EML6: variants seen among roughly 807,000 people sequenced by gnomAD.
EML6 encodes EMAP like 6, also known as echinoderm microtubule-associated protein-like 6.
A neutral mutation model predicts 240.1 loss-of-function variants in EML6; 154 were observed. That is an observed-to-expected ratio of 0.64 (90% CI 0.56 to 0.73). The LOEUF is 0.73. Among genes scored for constraint, EML6 ranks in the 30% least tolerant of loss-of-function variants. The probability of loss-of-function intolerance (pLI) is 0.00; values close to 1 mark genes in which losing one functional copy is unlikely to be tolerated. For synonymous variants in EML6, 1,148 were observed against 899.0 expected (o/e 1.28, Z -4.95); for missense variants, 2,964 against 2,474.6 (o/e 1.20, Z -4.20).
intron 7 of EML6, among the ~76,000 whole-genome samples, chr2:54,832,146 A>C (rs1015282755): frequency 6.6e-6 from 1 of 152,162 alleles, no homozygotes; most frequent in Non-Finnish European, 1.5e-5. Flanking sequence ...AAAACAATGT[A>C]CATGTAGCAT....
rs913307172 is a variant in EML6, at chr2:54,820,482, A to C, written c.525+20A>C. 7.5e-6 allele frequency: 11 copies of C among 1,461,810 alleles called. No homozygotes were observed. In the African/African-American group the frequency reaches 1.4e-4, roughly 19 times the overall value. The allele number at this position is 1,461,810 out of a possible 1,614,324, so 90.6% of individuals were successfully genotyped here. A position where few individuals can be genotyped will look rare whatever the true frequency, so the allele number is the denominator to read the frequency against. On this transcript the variant is annotated intron_variant, in intron 5 of 41. Coordinates refer to ENST00000356458, the MANE Select transcript of EML6 (RefSeq NM_001039753.4). ...ATAAAGGTAAAGCTTTTTGTTTTTT[A>C]ATTTTGGTACCTTGAGTGCAAATAA...
chr2:54,958,018 C>G lies in EML6; in HGVS notation c.4695+20C>G. ...GGTGCTGTGAGTTCTAGCAGATACT[C>G]CCTGAGAAGGGGACCCAGACCCCCT... On this transcript the variant is annotated intron_variant, in intron 33 of 41. Transcript: ENST00000356458. The G allele has an allele frequency of 6.5e-7, 1 of 1,537,150 alleles. No homozygotes were observed. Among genetic ancestry groups the G allele is most frequent in the South Asian group, 1.2e-5 (1 of 82,530 alleles).
intron 28 of EML6, among the ~76,000 whole-genome samples, chr2:54,943,998 T>C (rs1431832086): frequency 6.6e-6 from 1 of 152,180 alleles, no homozygotes; most frequent in Non-Finnish European, 1.5e-5. Flanking sequence ...TTGGCCCTTC[T>C]GGTGCCTCCC....
intron 2 of EML6, among the ~76,000 whole-genome samples, chr2:54,732,271 A>T (rs13399055): frequency 0.071 from 10,776 of 151,624 alleles, 464 homozygotes; most frequent in Middle Eastern, 0.16. Flanking sequence ...TCTTGGTGGT[A>T]CCCTTGGAAG....
chr2:54,820,506 A>T, intron 5 of EML6, 44 bp downstream of exon 5: 1 of 1,161,830 alleles, frequency 8.6e-7, no homozygotes, highest in South Asian at 1.4e-5. Flanking sequence ...GAGTGCAAAT[A>T]ATTTTAGGTG....
chr2:54,898,164 C>A (rs868630318), intron 21 of EML6, among the ~76,000 whole-genome samples: 26 of 152,020 alleles, frequency 1.7e-4, no homozygotes, highest in African/African-American at 5.3e-4. Flanking sequence ...TGTGGGTGAT[C>A]AGCAGCAAAG....
chr2:54,799,110 G>A (rs762817362), intron 2 of EML6, among the ~76,000 whole-genome samples: 1 of 152,120 alleles, frequency 6.6e-6, no homozygotes, highest in Non-Finnish European at 1.5e-5. Flanking sequence ...TCCCAGGCTG[G>A]AGTGCAGTGG....
chr2:54,735,481 G>C (rs1365241655), intron 2 of EML6, among the ~76,000 whole-genome samples: 5 of 152,326 alleles, frequency 3.3e-5, no homozygotes, highest in African/African-American at 9.6e-5. Flanking sequence ...TGAGAGGCAG[G>C]ATTCAGAATC....
intron 2 of EML6, among the ~76,000 whole-genome samples, chr2:54,800,004 G>A (rs1242486714): frequency 6.6e-6 from 1 of 152,208 alleles, no homozygotes; most frequent in Admixed American, 6.5e-5. Context: ...TGAGCAATTT[G>A]AGAGGCTTGA....
rs1284012392 is a variant in EML6, at chr2:54,931,638, T to C, written c.4004+2887T>C. On this transcript the variant is annotated intron_variant, in intron 28 of 41. Coordinates refer to ENST00000356458, the MANE Select transcript of EML6 (RefSeq NM_001039753.4). ...TTCCCGTCATCGTGCCTTCCGTATA[T>C]ACCTGCAGATAATTCTGTATACCTG... 2.0e-5 allele frequency among the ~76,000 whole-genome samples: 3 copies of C among 152,182 alleles called. No homozygotes were observed. In the East Asian group the frequency reaches 5.8e-4, roughly 29 times the overall value.
chr2:54,971,999 CAAAT>C lies in EML6; in HGVS notation c.*1908_*1911del, dbSNP rs999970394. 5.3e-5 allele frequency: 8 copies of C among 152,062 alleles called. No homozygotes were observed. The highest frequency in any genetic ancestry group is 1.9e-4 in the East Asian group (1 of 5,194). The allele number at this position is 152,062 out of a possible 1,614,324, so 9.4% of individuals were successfully genotyped here. On this transcript the variant is annotated 3_prime_UTR_variant, in exon 42 of 42. Coordinates refer to ENST00000356458, the MANE Select transcript of EML6 (RefSeq NM_001039753.4). ...CACATCACTTAAACATTTTATGTGTCAAATAAAATTTGATTATGTAAACACATTT... is the reference window on the plus strand; with the variant it reads ...CACATCACTTAAACATTTTATGTGTCAAAATTTGATTATGTAAACACATTT...
Position 54,954,026 on chromosome 2 carries a change from C to T in EML6, c.4356C>T (p.His1452=), listed in dbSNP as rs949466234. 6.4e-7 allele frequency: 1 copy of T among 1,552,006 alleles called. No individual in the cohort carries two copies. The highest frequency in any genetic ancestry group is 1.2e-5 in the South Asian group (1 of 83,990). ...SIHIWDAMTK[H]TLSMLRCFHS... ...ACATATGGGACGCCATGACCAAACA[C>T]ACCCTCTCCATGCTGCGGTGCTTCC... The change falls in exon 32 of 42, where the codon CAC becomes CAT. Residue 1452 remains histidine (H), a synonymous_variant. Coordinates refer to ENST00000356458, the MANE Select transcript of EML6 (RefSeq NM_001039753.4).
At chr2:54,758,548 C>G (rs1003501224) in intron 2 of EML6, among the ~76,000 whole-genome samples, 2 of 152,166 alleles carry the variant, frequency 1.3e-5, no homozygotes, top group African/African-American at 4.8e-5. Context: ...TCCCAGTCCC[C>G]CATTCCCTGT....
At chr2:54,857,669 G>A (rs929490303) in intron 11 of EML6, among the ~76,000 whole-genome samples, 1 of 152,212 alleles carries the variant, frequency 6.6e-6, no homozygotes, top group Non-Finnish European at 1.5e-5. Flanking sequence ...GTCAAAGAGG[G>A]GCTTGCTGTT....
intron 28 of EML6, among the ~76,000 whole-genome samples, chr2:54,942,550 C>T (rs142180587): frequency 1.3e-5 from 2 of 152,242 alleles, no homozygotes; most frequent in East Asian, 3.9e-4. Context: ...TGTGAAGGAT[C>T]AGGGTGCTCT....
chr2:54,968,820 C>T, intron 41 of EML6, 52 bp downstream of exon 41: 1 of 998,278 alleles, frequency 1.0e-6, no homozygotes, highest in Middle Eastern at 2.1e-4. Flanking sequence ...CCAGCTCTCC[C>T]TCCCCATCTC....
chr2:54,856,752 G>A (rs140689880), intron 11 of EML6, among the ~76,000 whole-genome samples: 7 of 152,296 alleles, frequency 4.6e-5, no homozygotes, highest in South Asian at 2.1e-4. Flanking sequence ...AATCAGAGTC[G>A]TCTTCTAAGT....
chr2:54,868,173 A>G (rs1180652245), intron 14 of EML6: 1 of 151,682 alleles, frequency 6.6e-6, no homozygotes, highest in Admixed American at 6.6e-5. Flanking sequence ...ACTGAAATAA[A>G]TTTTTTTTTC....
At chr2:54,892,798 GA>G in intron 19 of EML6, 142 bp downstream of exon 19, 1 of 624,392 alleles carries the variant, frequency 1.6e-6, no homozygotes, top group South Asian at 2.3e-5. Flanking sequence ...TCAGTCAAGA[GA>G]CAATAGGGAG....
Sources: allele counts gnomAD v4.1 joint callset (sites outside exome capture counted in the v4.1 genomes callset), GRCh38; gene constraint gnomAD v4.1.1; transcripts MANE v1.5; gene names NCBI Gene and HGNC (gene_info 2026-07-23, HGNC 2026-07-21).